The following ANTXR2 variants were observed in gnomAD, a reference collection of about 807,000 sequenced individuals.
The protein encoded by ANTXR2 is ANTXR cell adhesion molecule 2.
Under a neutral mutation model 73.7 loss-of-function variants are expected in ANTXR2, and 44 were observed. The observed-to-expected ratio is 0.60, with a 90% CI of 0.47 to 0.77. The LOEUF is 0.77. Ranked by LOEUF, ANTXR2 falls within the 30% of genes least tolerant of loss-of-function variation. The pLI is 0.00. For synonymous variants in ANTXR2, 217 were observed against 205.9 expected (o/e 1.05, Z -0.46); for missense variants, 604 against 592.5 (o/e 1.02, Z -0.20).
At chr4:80,049,998 C>A (rs1733701830) in intron 7 of ANTXR2, among the ~76,000 whole-genome samples, 1 of 151,692 alleles carries the variant, frequency 6.6e-6, no homozygotes, top group African/African-American at 2.4e-5. Flanking sequence ...TTATTAGGTG[C>A]TTCCCTCATG....
At chr4:80,016,106 C>T (rs999879220) in intron 11 of ANTXR2, among the ~76,000 whole-genome samples, 8 of 152,194 alleles carry the variant, frequency 5.3e-5, no homozygotes, top group Admixed American at 2.6e-4. Flanking sequence ...AGAATTCTTT[C>T]AAGTTGAATA....
rs1441918335 is a variant in ANTXR2, at chr4:79,955,886, T to G, written c.1428+21735A>C. Among the ~76,000 whole-genome samples, 3 of 152,126 alleles carry G rather than the reference T, an allele frequency of 2.0e-5. No individual in the cohort carries two copies. The East Asian group carries it at 5.8e-4, about 29-fold the overall frequency. On this transcript the variant is annotated intron_variant, in intron 16 of 16. Coordinates refer to ENST00000403729, the MANE Select transcript of ANTXR2 (RefSeq NM_058172.6). ...TTTTCTTCCTTCCTATAACTCACTT[T>G]CCCAGCTCCTAATCTCTTGCATAAC... is the stretch of plus-strand genomic sequence containing the variant.
chr4:80,002,745 G>A (rs1325140471), intron 12 of ANTXR2, among the ~76,000 whole-genome samples: 1 of 151,936 alleles, frequency 6.6e-6, no homozygotes, highest in Non-Finnish European at 1.5e-5. Context: ...CAAAAAGTGG[G>A]TGAAGGACAT....
At position 80,072,825 on chromosome 4, in the gene ANTXR2, C is replaced by G; in HGVS notation, c.-265G>C. ...CAGTGGAAGCGCGATCCAGTCCTCC[C>G]CCTCCCGATTCCGGAGAGTTCCTGC... On this transcript the variant is annotated 5_prime_UTR_variant, in exon 1 of 17. Coordinates refer to ENST00000403729, the MANE Select transcript of ANTXR2 (RefSeq NM_058172.6). The G allele has an allele frequency of 1.3e-6, 1 of 782,588 alleles. No individual in the cohort carries two copies. The highest frequency in any genetic ancestry group is 1.7e-6 in the Non-Finnish European group (1 of 574,650). 48.5% of individuals were successfully genotyped at this position (782,588 alleles called of 1,614,324 possible).
intron 16 of ANTXR2, among the ~76,000 whole-genome samples, chr4:79,918,875 G>A (rs1336617892): frequency 6.6e-6 from 1 of 152,030 alleles, no homozygotes; most frequent in African/African-American, 2.4e-5. Flanking sequence ...ATATGTAGTA[G>A]TAGAATACAT....
intron 16 of ANTXR2, among the ~76,000 whole-genome samples, chr4:79,908,798 G>A (rs958807829): frequency 6.6e-6 from 1 of 152,114 alleles, no homozygotes; most frequent in African/African-American, 2.4e-5. Flanking sequence ...ACTCCAGACT[G>A]TATTTTTGTG....
chr4:79,945,480 T>C (rs1728482824), intron 16 of ANTXR2, among the ~76,000 whole-genome samples: 1 of 152,094 alleles, frequency 6.6e-6, no homozygotes, highest in African/African-American at 2.4e-5. Flanking sequence ...TTTTAAGTGT[T>C]TCACAGGTAT....
intron 12 of ANTXR2, among the ~76,000 whole-genome samples, chr4:79,993,285 G>A (rs929416309): frequency 6.7e-6 from 1 of 150,322 alleles, no homozygotes; most frequent in African/African-American, 2.4e-5. Context: ...GAGGGAAGAA[G>A]GAAGAAAGGG....
intron 10 of ANTXR2, among the ~76,000 whole-genome samples, chr4:80,024,918 G>A (rs991002046): frequency 2.6e-5 from 4 of 152,160 alleles, no homozygotes; most frequent in African/African-American, 7.2e-5. Context: ...AGATAATACA[G>A]GGAGGTAAGG....
Position 79,902,647 on chromosome 4 carries a change from C to G in ANTXR2, c.*4782G>C, listed in dbSNP as rs1481709024. ...TCATCAGATATAAACTGTAAGTTTC[C>G]TCTTTGACAAATTTAATTATAAGAA... is the stretch of plus-strand genomic sequence containing the variant. On this transcript the variant is annotated 3_prime_UTR_variant, in exon 17 of 17. Transcript: ENST00000403729. The G allele has an allele frequency of 6.6e-6, 1 of 151,934 alleles. No homozygotes were observed. Among genetic ancestry groups the G allele is most frequent in the African/African-American group, 2.4e-5 (1 of 41,384 alleles). The allele number at this position is 151,934 out of a possible 1,614,324, so 9.4% of individuals were successfully genotyped here. A position where few individuals can be genotyped will look rare whatever the true frequency, so the allele number is the denominator to read the frequency against.
At chr4:80,014,948 T>C (rs1301715641) in intron 11 of ANTXR2, among the ~76,000 whole-genome samples, 4 of 152,190 alleles carry the variant, frequency 2.6e-5, no homozygotes, top group Non-Finnish European at 4.4e-5. Flanking sequence ...CACAGGTAAA[T>C]TCACTCTTCC....
At position 79,976,355 on chromosome 4, in the gene ANTXR2, G is replaced by A. The variant is rs143413358; in HGVS notation, c.1428+1266C>T. Among the ~76,000 whole-genome samples, 752 of 152,242 alleles carry A rather than the reference G, an allele frequency of 4.9e-3. 4 individuals are homozygous for A. The highest frequency in any genetic ancestry group is 8.4e-3 in the Non-Finnish European group (569 of 68,014). ...AGGCAGTACTGGATTCTGGAGGTGA[G>A]GCTTGGACACCAGACCTAATTGATG... On this transcript the variant is annotated intron_variant, in intron 16 of 16. Coordinates refer to ENST00000403729, the MANE Select transcript of ANTXR2 (RefSeq NM_058172.6).
intron 1 of ANTXR2, 51 bp from the exon 2 acceptor site, chr4:80,071,705 G>A: frequency 3.4e-6 from 5 of 1,453,828 alleles, no homozygotes; most frequent in Non-Finnish European, 4.8e-6. Flanking sequence ...GAACTGAAAA[G>A]TAAACATTTT....
chr4:80,010,750 G>T (rs1167032375), intron 11 of ANTXR2, among the ~76,000 whole-genome samples: 1 of 152,082 alleles, frequency 6.6e-6, no homozygotes, highest in Admixed American at 6.5e-5. Context: ...CTTAAAAAAA[G>T]CCTCCATTAG....
At chr4:79,950,414 A>C (rs1456099478) in intron 16 of ANTXR2, among the ~76,000 whole-genome samples, 1 of 152,170 alleles carries the variant, frequency 6.6e-6, no homozygotes, top group Non-Finnish European at 1.5e-5. Flanking sequence ...ACAAAAGTGT[A>C]TCTCTTGAAA....
chr4:80,016,647 T>C (rs1286583411), intron 11 of ANTXR2, among the ~76,000 whole-genome samples: 1 of 152,240 alleles, frequency 6.6e-6, no homozygotes, highest in Non-Finnish European at 1.5e-5. Context: ...CGATGTCCAA[T>C]AGACATCCCT....
intron 12 of ANTXR2, among the ~76,000 whole-genome samples, chr4:80,008,213 ATCAT>A (rs946691971): frequency 2.0e-5 from 3 of 152,300 alleles, no homozygotes; most frequent in Admixed American, 1.3e-4. Flanking sequence ...AAAAGAAAAC[ATCAT>A]TCAATTTACT....
intron 16 of ANTXR2, among the ~76,000 whole-genome samples, chr4:79,947,340 G>C (rs1230192293): frequency 1.3e-5 from 2 of 152,094 alleles, no homozygotes; most frequent in Non-Finnish European, 2.9e-5. Context: ...GTTCAGTGAG[G>C]TAAATCTGAT....
At chr4:80,040,223 A>G (rs1451322238) in intron 7 of ANTXR2, among the ~76,000 whole-genome samples, 1 of 146,956 alleles carries the variant, frequency 6.8e-6, no homozygotes, top group African/African-American at 2.7e-5. Context: ...GTATCATGCA[A>G]TACACCTAGG....
Sources: allele counts gnomAD v4.1 joint callset (sites outside exome capture counted in the v4.1 genomes callset), GRCh38; gene constraint gnomAD v4.1.1; transcripts MANE v1.5; gene names NCBI Gene and HGNC (gene_info 2026-07-23, HGNC 2026-07-21).